ADGRL2: variants seen among roughly 807,000 people sequenced by gnomAD.
ADGRL2 encodes calcium-independent alpha-latrotoxin receptor 2.
In ADGRL2, 44 loss-of-function variants were observed where a neutral mutation model predicts 157.4. That is an observed-to-expected ratio of 0.28 (90% CI 0.22 to 0.36). ADGRL2 has a LOEUF of 0.36. ADGRL2 is among the 10% of genes least tolerant of loss of function. The pLI is 1.00. For missense variants in ADGRL2, 1,510 were observed against 1,768.9 expected (o/e 0.85, Z 2.63); for synonymous variants, 585 against 624.7 (o/e 0.94, Z 0.95).
intron 1 of ADGRL2, among the ~76,000 whole-genome samples, chr1:81,306,813 G>A (rs745391148): frequency 3.7e-4 from 57 of 152,130 alleles, no homozygotes; most frequent in Non-Finnish European, 6.3e-4. Context: ...TAATTTCTCA[G>A]TATGTTTTAA....
chr1:81,791,456 A>C (rs2087341807), intron 2 of ADGRL2, among the ~76,000 whole-genome samples: 1 of 152,184 alleles, frequency 6.6e-6, no homozygotes. Context: ...ACACATTGAG[A>C]TACCATTATG....
intron 1 of ADGRL2, among the ~76,000 whole-genome samples, chr1:81,748,096 T>C (rs1488905357): frequency 2.0e-5 from 3 of 152,206 alleles, no homozygotes; most frequent in Non-Finnish European, 4.4e-5. Flanking sequence ...TTTTAACTAA[T>C]AGTATCAATT....
chr1:81,977,281 G>GAA (rs1660430391), intron 17 of ADGRL2, among the ~76,000 whole-genome samples: 1 of 151,770 alleles, frequency 6.6e-6, no homozygotes, highest in Admixed American at 6.6e-5. Flanking sequence ...TAACTAGAAA[G>GAA]ATACATTAAA....
At chr1:81,334,638 T>C (rs1270868998) in intron 1 of ADGRL2, among the ~76,000 whole-genome samples, 1 of 152,244 alleles carries the variant, frequency 6.6e-6, no homozygotes, top group Non-Finnish European at 1.5e-5. Flanking sequence ...TGTTAACATT[T>C]ACACAGGGCT....
intron 1 of ADGRL2, chr1:81,722,312 A>T: frequency 1.6e-6 from 1 of 610,354 alleles, no homozygotes; most frequent in Non-Finnish European, 3.0e-6. Flanking sequence ...GAAAATGCAG[A>T]GATAACAGAG....
chr1:81,788,166 G>A (rs1310337312), intron 2 of ADGRL2, among the ~76,000 whole-genome samples: 1 of 152,114 alleles, frequency 6.6e-6, no homozygotes, highest in African/African-American at 2.4e-5. Flanking sequence ...TGGTTTTGAG[G>A]AGGTAATAAG....
At chr1:81,907,353 G>T in intron 3 of ADGRL2, 123 bp downstream of exon 3, 83 of 654,528 alleles carry the variant, frequency 1.3e-4, no homozygotes, top group South Asian at 5.7e-4. Flanking sequence ...ACTGAGTTGG[G>T]TTTTTACCTA....
chr1:81,707,097 G>C (rs1179150862), intron 1 of ADGRL2, among the ~76,000 whole-genome samples: 2 of 152,118 alleles, frequency 1.3e-5, no homozygotes, highest in East Asian at 3.9e-4. Context: ...CCCAACCAGA[G>C]GCCTGTTGTA....
At chr1:81,393,025 CAT>C (rs2076586652) in intron 1 of ADGRL2, among the ~76,000 whole-genome samples, 1 of 152,086 alleles carries the variant, frequency 6.6e-6, no homozygotes. Flanking sequence ...AACATCTGCA[CAT>C]GAGAGTGTAA....
chr1:81,452,531 C>G (rs1233898730), intron 2 of ADGRL2, among the ~76,000 whole-genome samples: 3 of 152,152 alleles, frequency 2.0e-5, no homozygotes, highest in Admixed American at 1.3e-4. Context: ...AACCCATCCC[C>G]AAGCAAGCAG....
chr1:81,939,237 C>T (rs1270744375), intron 4 of ADGRL2, among the ~76,000 whole-genome samples: 1 of 151,562 alleles, frequency 6.6e-6, no homozygotes, highest in Non-Finnish European at 1.5e-5. Context: ...ATATGTGATG[C>T]TTGTACTTTC....
chr1:81,903,481 C>T (rs796252777), intron 2 of ADGRL2, among the ~76,000 whole-genome samples: 2 of 151,862 alleles, frequency 1.3e-5, no homozygotes, highest in Non-Finnish European at 2.9e-5. Flanking sequence ...TAGAATCTAA[C>T]GTGTGGTAAG....
chr1:81,471,291 T>C (rs2078166956), intron 2 of ADGRL2, among the ~76,000 whole-genome samples: 1 of 152,210 alleles, frequency 6.6e-6, no homozygotes, highest in Non-Finnish European at 1.5e-5. Context: ...AATACAAAGA[T>C]ATTTATATTT....
upstream of ADGRL2, among the ~76,000 whole-genome samples, chr1:81,800,885 A>G (rs980234453): frequency 6.7e-6 from 1 of 149,338 alleles, no homozygotes; most frequent in African/African-American, 2.4e-5. Flanking sequence ...GAGGGGAGAG[A>G]AGGGGAGGGG....
intron 3 of ADGRL2, among the ~76,000 whole-genome samples, chr1:81,630,999 G>A (rs966174235): frequency 1.3e-5 from 2 of 151,934 alleles, no homozygotes; most frequent in African/African-American, 4.8e-5. Flanking sequence ...GAGACTTGTG[G>A]AAATACATTA....
intron 2 of ADGRL2, among the ~76,000 whole-genome samples, chr1:81,528,290 A>C (rs1475790205): frequency 6.6e-6 from 1 of 152,222 alleles, no homozygotes; most frequent in Non-Finnish European, 1.5e-5. Flanking sequence ...AACTGGTGCC[A>C]AAATGAGTGA....
At chr1:81,514,920 T>C (rs1210082970) in intron 2 of ADGRL2, 1 of 152,190 alleles carries the variant, frequency 6.6e-6, no homozygotes, top group African/African-American at 2.4e-5. Flanking sequence ...GATATTGACA[T>C]GGTGAGGAGA....
chr1:81,479,384 G>A (rs1312349977), intron 2 of ADGRL2, among the ~76,000 whole-genome samples: 2 of 152,000 alleles, frequency 1.3e-5, no homozygotes, highest in African/African-American at 4.8e-5. Context: ...TCGGGAGGCT[G>A]AGGCAGGAGA....
At chr1:81,812,986 C>T (rs1443702350) in intron 1 of ADGRL2, among the ~76,000 whole-genome samples, 1 of 151,714 alleles carries the variant, frequency 6.6e-6, no homozygotes, top group Non-Finnish European at 1.5e-5. Context: ...AAGCCAGATA[C>T]TTAGGGAAGT....
Sources: allele counts gnomAD v4.1 joint callset (sites outside exome capture counted in the v4.1 genomes callset), GRCh38; gene constraint gnomAD v4.1.1; transcripts MANE v1.5; gene names NCBI Gene and HGNC (gene_info 2026-07-23, HGNC 2026-07-21).